The following MORC1 variants were observed in gnomAD, a reference collection of about 807,000 sequenced individuals.
MORC1 encodes MORC family CW-type zinc finger protein 1.
A neutral mutation model predicts 134.9 loss-of-function variants in MORC1; 59 were observed. The observed-to-expected ratio is 0.44, with a 90% confidence interval of 0.35 to 0.54. The LOEUF (loss-of-function observed/expected upper bound fraction) is 0.54, where lower values mean the gene tolerates loss of function less well. Ranked by LOEUF, MORC1 falls within the 20% of genes least tolerant of loss-of-function variation. The probability of loss-of-function intolerance (pLI) is 0.00; values close to 1 mark genes in which losing one functional copy is unlikely to be tolerated. For synonymous variants in MORC1, 395 were observed against 391.7 expected, an observed-to-expected ratio of 1.01 and a Z score of -0.10; for missense variants, 947 against 1,134.5, an observed-to-expected ratio of 0.83 and a Z score of 2.37.
chr3:108,964,657 G>A (rs34167384), intron 26 of MORC1, among the ~76,000 whole-genome samples: 11 of 152,146 alleles, frequency 7.2e-5, no homozygotes, highest in South Asian at 6.2e-4. Flanking sequence ...TTCCTAACTC[G>A]AAAGCACTGC....
intron 24 of MORC1, among the ~76,000 whole-genome samples, chr3:108,972,876 A>T (rs2715744): frequency 0.73 from 111,044 of 152,104 alleles, 41,225 homozygotes; most frequent in Non-Finnish European, 0.78. Context: ...CCCCTAAGAA[A>T]ACGCTCTTAG....
intron 3 of MORC1, among the ~76,000 whole-genome samples, chr3:109,107,310 G>A (rs1951060970): frequency 6.6e-6 from 1 of 151,744 alleles, no homozygotes; most frequent in South Asian, 2.1e-4. Context: ...TTTGTCTTTT[G>A]GACCAATGGT....
intron 17 of MORC1, chr3:109,018,804 G>C (rs1948886236): frequency 6.6e-6 from 1 of 152,170 alleles, no homozygotes; most frequent in Admixed American, 6.5e-5. Flanking sequence ...GCTTGTGATA[G>C]AAGATTGGCA....
At chr3:109,081,239 T>C (rs1950514491) in intron 8 of MORC1, among the ~76,000 whole-genome samples, 2 of 151,990 alleles carry the variant, frequency 1.3e-5, no homozygotes, top group South Asian at 4.1e-4. Context: ...CAAATAACAA[T>C]GCTGAAAGTC....
chr3:109,114,478 T>C, intron 1 of MORC1, 41 bp from the exon 2 acceptor site: 2 of 1,545,356 alleles, frequency 1.3e-6, no homozygotes, highest in Non-Finnish European at 1.8e-6. Context: ...TTAAACCAGG[T>C]GTGTAATCAA....
At chr3:108,978,337 CA>C (rs1229684970) in intron 24 of MORC1, among the ~76,000 whole-genome samples, 1 of 152,194 alleles carries the variant, frequency 6.6e-6, no homozygotes, top group African/African-American at 2.4e-5. Context: ...ATTGCTCCAT[CA>C]ACAACTTGTC....
chr3:109,037,999 A>T (rs1233363038), intron 14 of MORC1, among the ~76,000 whole-genome samples: 1 of 152,174 alleles, frequency 6.6e-6, no homozygotes, highest in Admixed American at 6.5e-5. Flanking sequence ...CTAGCCCTAG[A>T]TCCTTGAGGA....
chr3:108,983,089 C>T (rs1371064745), intron 23 of MORC1, among the ~76,000 whole-genome samples: 1 of 151,710 alleles, frequency 6.6e-6, no homozygotes, highest in Non-Finnish European at 1.5e-5. Flanking sequence ...CATGCATACA[C>T]ACACCTGCAT....
At chr3:108,986,677 T>C (rs1343507744) in intron 22 of MORC1, among the ~76,000 whole-genome samples, 1 of 152,088 alleles carries the variant, frequency 6.6e-6, no homozygotes, top group Non-Finnish European at 1.5e-5. Context: ...AGCCAGAAAG[T>C]GTCTCTCTGC....
chr3:109,085,089 G>T (rs1236886544), intron 8 of MORC1, among the ~76,000 whole-genome samples: 1 of 151,840 alleles, frequency 6.6e-6, no homozygotes, highest in Non-Finnish European at 1.5e-5. Flanking sequence ...CCAGGAAATT[G>T]ATCTGGGCAA....
At chr3:109,093,336 T>A (rs1009589787) in intron 8 of MORC1, 100 bp downstream of exon 8, 1 of 824,586 alleles carries the variant, frequency 1.2e-6, no homozygotes, top group Admixed American at 2.3e-5. Context: ...ATTGTCCCAG[T>A]GCTAAAACCC....
At chr3:109,076,604 A>G (rs908743866) in intron 8 of MORC1, among the ~76,000 whole-genome samples, 7 of 152,206 alleles carry the variant, frequency 4.6e-5, no homozygotes, top group African/African-American at 1.7e-4. Context: ...CAGACTGGAT[A>G]AAGAAAATGT....
At chr3:109,060,099 T>C (rs1950044919) in intron 11 of MORC1, among the ~76,000 whole-genome samples, 1 of 152,128 alleles carries the variant, frequency 6.6e-6, no homozygotes, top group African/African-American at 2.4e-5. Flanking sequence ...CCAGATATCC[T>C]CTCTGCCTTT....
In MORC1 at chr3:108,958,886, A is replaced by G. The variant is rs1947006210; in HGVS notation, c.*79T>C. ...AAACAGAATAGACTTTACAGTAACAACAACAAAAAAGAAAAATTTTTAAAA... is the reference window on the plus strand; with the variant it reads ...AAACAGAATAGACTTTACAGTAACAGCAACAAAAAAGAAAAATTTTTAAAA... On this transcript the variant is annotated 3_prime_UTR_variant, in exon 28 of 28. Coordinates refer to ENST00000232603, the MANE Select transcript of MORC1 (RefSeq NM_014429.4). The G allele has an allele frequency of 9.6e-7, 1 of 1,046,434 alleles. No individual in the cohort carries two copies. Among genetic ancestry groups the G allele is most frequent in the African/African-American group, 1.7e-5 (1 of 59,654 alleles). 64.8% of individuals were successfully genotyped at this position (1,046,434 alleles called of 1,614,324 possible).
At chr3:109,063,039 A>G in intron 10 of MORC1, 113 bp downstream of exon 10, 1 of 658,906 alleles carries the variant, frequency 1.5e-6, no homozygotes. Context: ...ACATTTAATT[A>G]ATTGTAGTAG....
intron 21 of MORC1, among the ~76,000 whole-genome samples, chr3:108,992,732 C>T (rs1440233481): frequency 6.6e-6 from 1 of 152,188 alleles, no homozygotes; most frequent in East Asian, 1.9e-4. Flanking sequence ...TCTCTCTCTG[C>T]ACACCTGCAG....
chr3:109,052,960 C>T (rs1417317178), intron 14 of MORC1, among the ~76,000 whole-genome samples: 1 of 151,648 alleles, frequency 6.6e-6, no homozygotes, highest in Non-Finnish European at 1.5e-5. Flanking sequence ...GCAAAGAACA[C>T]AAACAGATAC....
At chr3:109,056,585 T>C (rs1949966678) in intron 13 of MORC1, among the ~76,000 whole-genome samples, 1 of 152,228 alleles carries the variant, frequency 6.6e-6, no homozygotes, top group Admixed American at 6.5e-5. Context: ...AAAATATGCA[T>C]TTATATGCTT....
chr3:108,987,808 G>A lies in MORC1; in HGVS notation c.2188-859C>T, dbSNP rs547978757. 3.3e-5 allele frequency among the ~76,000 whole-genome samples: 5 copies of A among 152,004 alleles called. No homozygotes were observed. The South Asian group carries it at 8.3e-4, about 25-fold the overall frequency. ...AGAATGTGTCTGTTTATGCCTGCGGGGAAAGACACCCAGAATGCTCCCTCT... is the reference window on the plus strand; with the variant it reads ...AGAATGTGTCTGTTTATGCCTGCGGAGAAAGACACCCAGAATGCTCCCTCT... On this transcript the variant is annotated intron_variant, in intron 21 of 27. Transcript: ENST00000232603.
Sources: allele counts gnomAD v4.1 joint callset (sites outside exome capture counted in the v4.1 genomes callset), GRCh38; gene constraint gnomAD v4.1.1; transcripts MANE v1.5; gene names NCBI Gene and HGNC (gene_info 2026-07-23, HGNC 2026-07-21).